Variants in PPM1H observed in about 807,000 individuals in gnomAD.
PPM1H encodes protein phosphatase, Mg2+/Mn2+ dependent 1H.
In PPM1H, 27 loss-of-function variants were observed where a neutral mutation model predicts 54.9. The ratio of observed to expected loss-of-function variants is 0.49; its 90% CI spans 0.36 to 0.68. The LOEUF (loss-of-function observed/expected upper bound fraction) is 0.68, where lower values mean the gene tolerates loss of function less well. Ranked by LOEUF, PPM1H falls within the 30% of genes least tolerant of loss-of-function variation. The pLI is 0.00. For synonymous variants in PPM1H, 305 were observed against 270.8 expected, an observed-to-expected ratio of 1.13 and a Z score of -1.24; for missense variants, 596 against 667.8, an observed-to-expected ratio of 0.89 and a Z score of 1.19.
chr12:62,796,889 G>T (rs919837361), intron 3 of PPM1H, among the ~76,000 whole-genome samples: 9 of 152,164 alleles, frequency 5.9e-5, no homozygotes, highest in African/African-American at 1.7e-4. Flanking sequence ...ATTCTACTTA[G>T]TTGCACAGCC....
At chr12:62,839,524 G>A (rs536845051) in intron 1 of PPM1H, among the ~76,000 whole-genome samples, 10 of 152,080 alleles carry the variant, frequency 6.6e-5, no homozygotes, top group Non-Finnish European at 8.8e-5. Flanking sequence ...GCTGACTCCC[G>A]CGAGATAGGA....
chr12:62,761,535 A>T (rs2076509132), intron 4 of PPM1H, among the ~76,000 whole-genome samples: 1 of 152,190 alleles, frequency 6.6e-6, no homozygotes, highest in Non-Finnish European at 1.5e-5. Context: ...TTTTCCTGCT[A>T]AAATTGGTCT....
chr12:62,909,990 G>A (rs928342462), intron 1 of PPM1H, among the ~76,000 whole-genome samples: 1 of 152,298 alleles, frequency 6.6e-6, no homozygotes, highest in African/African-American at 2.4e-5. Context: ...TTGCAGAGAG[G>A]TGGTAATTTA....
intron 6 of PPM1H, among the ~76,000 whole-genome samples, chr12:62,713,636 T>TA (rs1229826995): frequency 1.3e-5 from 2 of 152,156 alleles, no homozygotes; most frequent in African/African-American, 4.8e-5. Context: ...GCTACACCAT[T>TA]CCCTGTCCAC....
chr12:62,788,141 T>C (rs1376295429), intron 4 of PPM1H, 85 bp downstream of exon 4: 2 of 951,810 alleles, frequency 2.1e-6, no homozygotes, highest in African/African-American at 1.6e-5. Context: ...TCTTTAATTA[T>C]TTCTAATCAT....
At chr12:62,895,485 A>G (rs1870953444) in intron 1 of PPM1H, among the ~76,000 whole-genome samples, 1 of 152,204 alleles carries the variant, frequency 6.6e-6, no homozygotes, top group Non-Finnish European at 1.5e-5. Context: ...GGGACTCATT[A>G]GAAAGCAAAT....
chr12:62,731,158 A>T, intron 5 of PPM1H, among the ~76,000 whole-genome samples: 1 of 152,246 alleles, frequency 6.6e-6, no homozygotes, highest in African/African-American at 2.4e-5. Flanking sequence ...TAAACAGAAA[A>T]AAATGCCACA....
chr12:62,709,361 C>T (rs2076193971), intron 6 of PPM1H, among the ~76,000 whole-genome samples: 1 of 152,178 alleles, frequency 6.6e-6, no homozygotes, highest in African/African-American at 2.4e-5. Context: ...GCTTCTAGGA[C>T]CCTGCTGCAG....
intron 6 of PPM1H, among the ~76,000 whole-genome samples, chr12:62,708,289 G>GT (rs2076186567): frequency 6.6e-6 from 1 of 152,216 alleles, no homozygotes; most frequent in Admixed American, 6.5e-5. Context: ...GTTTGGAGTG[G>GT]TGGCTCTCCA....
chr12:62,766,995 G>T (rs1024861397), intron 4 of PPM1H, among the ~76,000 whole-genome samples: 2 of 152,212 alleles, frequency 1.3e-5, no homozygotes, highest in Non-Finnish European at 2.9e-5. Flanking sequence ...AAATAGGCTT[G>T]CTCAGTTGGT....
At chr12:62,843,247 G>A (rs1161561156) in intron 1 of PPM1H, among the ~76,000 whole-genome samples, 2 of 152,168 alleles carry the variant, frequency 1.3e-5, no homozygotes, top group Non-Finnish European at 2.9e-5. Flanking sequence ...AACCCCGGAG[G>A]TGGAGGATGC....
chr12:62,840,897 A>G (rs1457468924), intron 1 of PPM1H, among the ~76,000 whole-genome samples: 1 of 152,150 alleles, frequency 6.6e-6, no homozygotes, highest in Admixed American at 6.6e-5. Flanking sequence ...CAAATGACAA[A>G]GGAAGAACTC....
chr12:62,933,703 G>GT (rs1385749090), intron 1 of PPM1H, among the ~76,000 whole-genome samples: 1 of 152,126 alleles, frequency 6.6e-6, no homozygotes, highest in East Asian at 1.9e-4. Context: ...ATGGAGCTGG[G>GT]GGAAGGGCAA....
At chr12:62,800,342 ATTTG>A (rs2076760099) in intron 3 of PPM1H, among the ~76,000 whole-genome samples, 1 of 137,434 alleles carries the variant, frequency 7.3e-6, no homozygotes, top group South Asian at 2.3e-4. Flanking sequence ...TTTTTTGTTT[ATTTG>A]TTTTTTTGAG....
chr12:62,653,026 TA>T (rs1201907744), intron 9 of PPM1H, among the ~76,000 whole-genome samples: 2 of 152,246 alleles, frequency 1.3e-5, no homozygotes, highest in African/African-American at 4.8e-5. Context: ...GATTGTCTGT[TA>T]TTTTCCCTCA....
At chr12:62,765,986 A>G (rs925783063) in intron 4 of PPM1H, among the ~76,000 whole-genome samples, 5 of 152,248 alleles carry the variant, frequency 3.3e-5, no homozygotes, top group South Asian at 2.1e-4. Flanking sequence ...AGGGCTTTCA[A>G]CAAGGAAGTG....
chr12:62,648,207 A>T lies in PPM1H; in HGVS notation c.*282T>A. On this transcript the variant is annotated 3_prime_UTR_variant, in exon 10 of 10. Coordinates refer to ENST00000228705, the MANE Select transcript of PPM1H (RefSeq NM_020700.2). Reference sequence around the variant, plus strand: ...AAAATAAATATGACATATATACCCCAAATAGTCAATGGCCACCTCGGAGGC... The same window carrying T: ...AAAATAAATATGACATATATACCCCTAATAGTCAATGGCCACCTCGGAGGC... The T allele has an allele frequency of 2.9e-6, 1 of 340,960 alleles. No individual in the cohort carries two copies. Among genetic ancestry groups the T allele is most frequent in the Non-Finnish European group, 5.6e-6 (1 of 179,794 alleles). 21.1% of individuals were successfully genotyped at this position (340,960 alleles called of 1,614,324 possible). A position where few individuals can be genotyped will look rare whatever the true frequency, so the allele number is the denominator to read the frequency against.
chr12:62,697,801 C>T (rs867458458), intron 6 of PPM1H, among the ~76,000 whole-genome samples: 3 of 152,030 alleles, frequency 2.0e-5, no homozygotes, highest in African/African-American at 4.8e-5. Flanking sequence ...ACAAATCACT[C>T]GCTAGTTTTA....
chr12:62,714,428 C>T (rs1201108531), intron 6 of PPM1H, among the ~76,000 whole-genome samples: 3 of 152,136 alleles, frequency 2.0e-5, no homozygotes, highest in African/African-American at 7.2e-5. Flanking sequence ...GGAAAATTAT[C>T]GTGATGTATC....
Sources: gnomAD v4.1 joint callset for allele counts (sites outside exome capture counted in the v4.1 genomes callset) on GRCh38, gnomAD v4.1.1 for gene constraint, MANE v1.5 for transcripts, NCBI Gene and HGNC (gene_info 2026-07-23, HGNC 2026-07-21) for gene names.